ARHGEF28: variants seen among roughly 807,000 people sequenced by gnomAD.
ARHGEF28 encodes the protein Rho guanine nucleotide exchange factor 28, also known as 190 kDa guanine nucleotide exchange factor.
ARHGEF28 carries 152 observed loss-of-function variants against 206.6 expected under a neutral mutation model. The observed-to-expected ratio is 0.74, with a 90% CI of 0.64 to 0.84. The LOEUF (loss-of-function observed/expected upper bound fraction) is 0.84. Ranked by LOEUF, ARHGEF28 falls within the 40% of genes least tolerant of loss-of-function variation. The pLI is 0.00. For synonymous variants in ARHGEF28, 763 were observed against 776.4 expected (o/e 0.98, Z 0.29); for missense variants, 2,028 against 2,073.2 (o/e 0.98, Z 0.42).
intron 1 of ARHGEF28, among the ~76,000 whole-genome samples, chr5:73,655,857 A>T (rs1745162501): frequency 6.6e-6 from 1 of 152,216 alleles, no homozygotes; most frequent in Non-Finnish European, 1.5e-5. Flanking sequence ...TTCTACCCGG[A>T]GAACTGAACT....
At chr5:73,779,265 A>G (rs1241403989) in intron 6 of ARHGEF28, among the ~76,000 whole-genome samples, 1 of 152,240 alleles carries the variant, frequency 6.6e-6, no homozygotes, top group African/African-American at 2.4e-5. Context: ...ATAATAGGCA[A>G]ACTCGTAGCC....
intron 2 of ARHGEF28, among the ~76,000 whole-genome samples, chr5:73,700,886 C>A (rs1287012494): frequency 6.6e-6 from 1 of 152,004 alleles, no homozygotes; most frequent in African/African-American, 2.4e-5. Context: ...AAAACACTTC[C>A]CGTGAGTTGA....
chr5:73,862,860 TAA>T (rs35766981), intron 16 of ARHGEF28, among the ~76,000 whole-genome samples: 14 of 145,672 alleles, frequency 9.6e-5, no homozygotes, highest in Non-Finnish European at 1.4e-4. Context: ...TTTGTTTCTT[TAA>T]AAAAAAAAAA....
At chr5:73,860,775 T>C (rs1759348120) in intron 16 of ARHGEF28, among the ~76,000 whole-genome samples, 1 of 152,188 alleles carries the variant, frequency 6.6e-6, no homozygotes, top group Non-Finnish European at 1.5e-5. Flanking sequence ...CTCTCTTGTG[T>C]TTACTGGGCT....
At chr5:73,682,664 A>G (rs1747183301) in intron 1 of ARHGEF28, among the ~76,000 whole-genome samples, 1 of 152,148 alleles carries the variant, frequency 6.6e-6, no homozygotes, top group Non-Finnish European at 1.5e-5. Context: ...CACCTGCCTC[A>G]GCCTCCCAAA....
intron 1 of ARHGEF28, among the ~76,000 whole-genome samples, chr5:73,679,939 C>T (rs757735843): frequency 5.9e-5 from 9 of 152,136 alleles, no homozygotes; most frequent in Admixed American, 1.3e-4. Flanking sequence ...CTTATTTCCA[C>T]AAAATTAACC....
chr5:73,885,738 T>C (rs945965957), intron 24 of ARHGEF28, 112 bp from the exon 25 acceptor site: 102 of 1,133,772 alleles, frequency 9.0e-5, no homozygotes, highest in Middle Eastern at 3.0e-4. Flanking sequence ...GGATTTTTAT[T>C]GTTTAGATGA....
intron 22 of ARHGEF28, among the ~76,000 whole-genome samples, chr5:73,880,258 G>A (rs542860553): frequency 9.8e-5 from 15 of 152,316 alleles, no homozygotes; most frequent in South Asian, 2.1e-4. Context: ...ATCCTGGTGC[G>A]CCGTTTCCTA....
intron 31 of ARHGEF28, chr5:73,903,742 G>A (rs1018832966): frequency 7.5e-5 from 12 of 159,592 alleles, no homozygotes; most frequent in Admixed American, 3.0e-4. Context: ...TTTCCCAACT[G>A]CTGTATATGT....
chr5:73,756,603 T>G (rs1752323725), intron 4 of ARHGEF28, among the ~76,000 whole-genome samples: 1 of 152,226 alleles, frequency 6.6e-6, no homozygotes, highest in Admixed American at 6.5e-5. Flanking sequence ...TGTATCTGCC[T>G]GTTCACACCT....
chr5:73,652,689 A>G (rs1023754728), intron 1 of ARHGEF28, among the ~76,000 whole-genome samples: 1 of 152,218 alleles, frequency 6.6e-6, no homozygotes, highest in Non-Finnish European at 1.5e-5. Flanking sequence ...GTACACAGAT[A>G]TTTGGCAGTA....
chr5:73,860,520 AC>A (rs1180629818), intron 16 of ARHGEF28, among the ~76,000 whole-genome samples: 3 of 151,994 alleles, frequency 2.0e-5, no homozygotes, highest in Admixed American at 2.0e-4. Context: ...ACAAGCTTCA[AC>A]CCTGGCTGCT....
At chr5:73,932,485 G>A (rs935876580) in intron 35 of ARHGEF28, among the ~76,000 whole-genome samples, 10 of 152,164 alleles carry the variant, frequency 6.6e-5, no homozygotes, top group Admixed American at 1.3e-4. Context: ...TCCAGGTAAA[G>A]TTATTACCCA....
Position 73,876,578 on chromosome 5 carries a change from AT to A in ARHGEF28, c.2814+3336del, listed in dbSNP as rs1266983402. On this transcript the variant is annotated intron_variant, in intron 22 of 35. Coordinates refer to ENST00000513042, the MANE Select transcript of ARHGEF28 (RefSeq NM_001177693.2). Reference sequence around the variant, plus strand: ...GGGTTTGTCATAGATAGCTCTTATTATTTTGAGATACGTCCCATCAATACCT... The same window carrying A: ...GGGTTTGTCATAGATAGCTCTTATTATTTGAGATACGTCCCATCAATACCT... Among the ~76,000 whole-genome samples the A allele has an allele frequency of 4.7e-5, 7 of 147,640 alleles. 1 individual carries two copies. In the East Asian group the frequency reaches 1.4e-3, roughly 30 times the overall value.
At chr5:73,756,731 A>G (rs1346728715) in intron 4 of ARHGEF28, among the ~76,000 whole-genome samples, 1 of 152,228 alleles carries the variant, frequency 6.6e-6, no homozygotes, top group African/African-American at 2.4e-5. Flanking sequence ...CCACGTTAAA[A>G]AAAACAAATT....
At chr5:73,806,372 C>CTA (rs1363478718) in intron 9 of ARHGEF28, among the ~76,000 whole-genome samples, 4 of 29,732 alleles carry the variant, frequency 1.3e-4, no homozygotes, top group Non-Finnish European at 1.4e-4. Flanking sequence ...TCTATATATA[C>CTA]TATATATAGA....
chr5:73,926,638 T>A (rs1055550073), intron 35 of ARHGEF28, among the ~76,000 whole-genome samples: 2 of 152,168 alleles, frequency 1.3e-5, no homozygotes, highest in African/African-American at 4.8e-5. Flanking sequence ...CACAGCCATC[T>A]CTTTCTGTGG....
At chr5:73,900,331 T>C (rs893490464) in intron 30 of ARHGEF28, 5 of 152,236 alleles carry the variant, frequency 3.3e-5, no homozygotes, top group Admixed American at 6.5e-5. Flanking sequence ...GGATTGGACA[T>C]GGTTCTAATA....
chr5:73,848,008 A>C (rs1326490830), intron 12 of ARHGEF28, among the ~76,000 whole-genome samples: 1 of 152,192 alleles, frequency 6.6e-6, no homozygotes, highest in Non-Finnish European at 1.5e-5. Context: ...GTTTTTCCTT[A>C]GAGGAAACAA....
Sources: gnomAD v4.1 joint callset for allele counts (sites outside exome capture counted in the v4.1 genomes callset) on GRCh38, gnomAD v4.1.1 for gene constraint, MANE v1.5 for transcripts, NCBI Gene and HGNC (gene_info 2026-07-23, HGNC 2026-07-21) for gene names.